PRSS37: variants seen among roughly 807,000 people sequenced by gnomAD.
The protein encoded by PRSS37 is serine protease 37.
Under a neutral mutation model 28.0 loss-of-function variants are expected in PRSS37, and 25 were observed. That is an observed-to-expected ratio of 0.89 (90% CI 0.65 to 1.25). The LOEUF (loss-of-function observed/expected upper bound fraction) is 1.25, where lower values mean the gene tolerates loss of function less well. PRSS37 is among the 50% of genes most tolerant of loss of function. The probability of loss-of-function intolerance (pLI) is 0.00; values close to 1 mark genes in which losing one functional copy is unlikely to be tolerated. For missense variants in PRSS37, 282 were observed against 292.2 expected (o/e 0.97, Z 0.25); for synonymous variants, 109 against 107.8 (o/e 1.01, Z -0.07).
Position 141,841,160 on chromosome 7 carries a change from G to C in PRSS37, c.-111C>G. The C allele has an allele frequency of 6.4e-7, 1 of 1,572,842 alleles. No individual in the cohort carries two copies. On this transcript the variant is annotated 5_prime_UTR_variant, in exon 1 of 5. The change creates a new upstream start codon in the 5' untranslated region. Coordinates refer to ENST00000350549, the MANE Select transcript of PRSS37 (RefSeq NM_001008270.3). ...CTGGTAGACTCAGTGGCTATGGTTAGATACGGAGGCACTCCATGGGATTGG... is the reference window on the plus strand; with the variant it reads ...CTGGTAGACTCAGTGGCTATGGTTACATACGGAGGCACTCCATGGGATTGG...
At position 141,837,228 on chromosome 7, in the gene PRSS37, G is replaced by C; in HGVS notation, c.451C>G (p.Gln151Glu). 6.2e-7 allele frequency: 1 copy of C among 1,607,384 alleles called. No homozygotes were observed. Among genetic ancestry groups the C allele is most frequent in the Non-Finnish European group, 8.5e-7 (1 of 1,177,574 alleles). Residue 151 changes from glutamine (Q) to glutamate (E), a missense_variant, in exon 4 of 5, where the codon CAG becomes GAG. Coordinates refer to ENST00000350549, the MANE Select transcript of PRSS37 (RefSeq NM_001008270.3). ...GACATCACGGGGGCCTCCAGGTTCT[G>C]CCGCAAGTCAGGGTGTCGGCCTGAG... Reference protein sequence around the residue: ...ENSGRHPDLRQNLEAPVMSDR... With the variant: ...ENSGRHPDLRENLEAPVMSDR...
rs1369544826 is a variant in PRSS37 at position 141,838,015 on chromosome 7, C to T, written c.275G>A (p.Ser92Asn). 6.2e-7 allele frequency: 1 copy of T among 1,614,034 alleles called. No individual in the cohort carries two copies. Among genetic ancestry groups the T allele is most frequent in the Non-Finnish European group, 8.5e-7 (1 of 1,180,038 alleles). Residue 92 changes from serine (S) to asparagine (N), a missense_variant, in exon 3 of 5, where the codon AGT becomes AAT. Physicochemically the swap from Ser to Asn is conservative, Grantham distance 46. Coordinates refer to ENST00000350549, the MANE Select transcript of PRSS37 (RefSeq NM_001008270.3). ...PIQIVRYWNY[S>N]HSAPQDDLML... ...GAGGTCATCCTGTGGGGCGCTATGA[C>T]TGTAGTTCCAGTAGCGGACGATCTG...
intron 3 of PRSS37, chr7:141,837,493 G>T (rs978599560): frequency 3.6e-5 from 46 of 1,284,690 alleles, no homozygotes; most frequent in Middle Eastern, 3.7e-4. Context: ...AGAACTAAAT[G>T]ACCTGAGGCA....
Position 141,837,181 on chromosome 7 carries a change from T to C in PRSS37, c.498A>G (p.Thr166=). Reference sequence around the variant, plus strand: ...AATTCCTGTGGCTTTTTCCTTGTTCTGTTTTTTGGCATTCTCGATCAGACA... The same window carrying C: ...AATTCCTGTGGCTTTTTCCTTGTTCCGTTTTTTGGCATTCTCGATCAGACA... ...PVMSDRECQK[T]EQGKSHRNSL... is the part of the protein sequence containing the mutation. Residue 166 remains threonine, a synonymous_variant, in exon 4 of 5, where the codon ACA becomes ACG. Transcript: ENST00000350549. 1 of 1,613,472 alleles carries C rather than the reference T, an allele frequency of 6.2e-7. No individual in the cohort carries two copies. The highest frequency in any genetic ancestry group is 8.5e-7 in the Non-Finnish European group (1 of 1,179,842).
intron 1 of PRSS37, among the ~76,000 whole-genome samples, chr7:141,840,523 C>G (rs938961528): frequency 7.2e-5 from 11 of 152,174 alleles, no homozygotes; most frequent in Non-Finnish European, 1.6e-4. Flanking sequence ...CACAATAGCT[C>G]TATAATATGG....
At position 141,841,287 on chromosome 7, in the gene PRSS37, A is replaced by T; in HGVS notation, c.-238T>A. The T allele has an allele frequency of 1.3e-6, 1 of 794,718 alleles. No individual in the cohort carries two copies. The highest frequency in any genetic ancestry group is 1.9e-5 in the South Asian group (1 of 51,876). 49.2% of individuals were successfully genotyped at this position (794,718 alleles called of 1,614,324 possible). ...TGGAGGACTGTGCCTCTGTTGGGGC[A>T]TTTCAGGGAAGGAAACTCCTGGATT... On this transcript the variant is annotated 5_prime_UTR_variant, in exon 1 of 5. An upstream start codon of the reference 5' UTR is lost. Coordinates refer to ENST00000350549, the MANE Select transcript of PRSS37 (RefSeq NM_001008270.3).
rs1356327893 is a variant in PRSS37, at chr7:141,839,334, C to T, written c.176+4G>A. On this transcript the variant is annotated splice_donor_region_variant and intron_variant, in intron 2 of 4. Coordinates refer to ENST00000350549, the MANE Select transcript of PRSS37 (RefSeq NM_001008270.3). ...TTGGGGATGGGGATGCCCAAATACTCAACGGTAAATAGCAGTGAGCTGGGG... is the reference window on the plus strand; with the variant it reads ...TTGGGGATGGGGATGCCCAAATACTTAACGGTAAATAGCAGTGAGCTGGGG... The T allele has an allele frequency of 6.2e-7, 1 of 1,613,384 alleles. No individual in the cohort carries two copies. Among genetic ancestry groups the T allele is most frequent in the Middle Eastern group, 1.7e-4 (1 of 6,056 alleles).
At position 141,841,062 on chromosome 7, in the gene PRSS37, C is replaced by T; in HGVS notation, c.-13G>A. On this transcript the variant is annotated 5_prime_UTR_variant, in exon 1 of 5. Transcript: ENST00000350549. ...AGACATATTTCATGGTGATCCAGCT[C>T]TTCCCCCTGTGAGATGTAGAAGAAA... 1 of 1,613,650 alleles carries T rather than the reference C, an allele frequency of 6.2e-7. No homozygotes were observed. The highest frequency in any genetic ancestry group is 8.5e-7 in the Non-Finnish European group (1 of 1,179,604).
intron 1 of PRSS37, among the ~76,000 whole-genome samples, chr7:141,840,301 T>C (rs1300740586): frequency 1.3e-5 from 2 of 152,190 alleles, no homozygotes; most frequent in Non-Finnish European, 2.9e-5. Flanking sequence ...GATTCTAGTA[T>C]CAGAAATAAA....
In PRSS37 at chr7:141,836,369, T is replaced by C. The variant is rs780675062; in HGVS notation, c.*26A>G. On this transcript the variant is annotated 3_prime_UTR_variant, in exon 5 of 5. Transcript: ENST00000350549. Reference sequence around the variant, plus strand: ...CTTGTATAGTCCATGGCAGAGCCAGTGGAATGCAGAGGGAGAAGTAGGGTC... The same window carrying C: ...CTTGTATAGTCCATGGCAGAGCCAGCGGAATGCAGAGGGAGAAGTAGGGTC... The C allele has an allele frequency of 7.4e-6, 12 of 1,611,982 alleles. No individual in the cohort carries two copies. Among genetic ancestry groups the C allele is most frequent in the Non-Finnish European group, 9.3e-6 (11 of 1,178,422 alleles).
At chr7:141,837,270 T>C in intron 3 of PRSS37, 22 bp from the exon 4 acceptor site, 1 of 1,578,394 alleles carries the variant, frequency 6.3e-7, no homozygotes, top group Non-Finnish European at 8.6e-7. Flanking sequence ...GGGGATAAAA[T>C]AAAACATCCT....
chr7:141,840,570 G>T (rs916120207), intron 1 of PRSS37, among the ~76,000 whole-genome samples: 1 of 152,208 alleles, frequency 6.6e-6, no homozygotes, highest in Non-Finnish European at 1.5e-5. Context: ...TTGAAGCACA[G>T]AAGAGTTAAT....
rs1801142458 is a variant in PRSS37, at chr7:141,841,271, G to A, written c.-222C>T. ...TCTGTTCCAGGGAAGGTGGAGGACTGTGCCTCTGTTGGGGCATTTCAGGGA... is the reference window on the plus strand; with the variant it reads ...TCTGTTCCAGGGAAGGTGGAGGACTATGCCTCTGTTGGGGCATTTCAGGGA... On this transcript the variant is annotated 5_prime_UTR_variant, in exon 1 of 5. Transcript: ENST00000350549. 2 of 1,019,938 alleles carry A rather than the reference G, an allele frequency of 2.0e-6. No individual in the cohort carries two copies. The highest frequency in any genetic ancestry group is 3.3e-5 in the African/African-American group (2 of 60,354). The allele number at this position is 1,019,938 out of a possible 1,614,324, so 63.2% of individuals were successfully genotyped here.
chr7:141,837,386 C>G (rs1800998118), intron 3 of PRSS37, 138 bp from the exon 4 acceptor site: 1 of 1,170,116 alleles, frequency 8.5e-7, no homozygotes, highest in Admixed American at 2.8e-5. Flanking sequence ...GGAGAGAAAT[C>G]ATCAAGAGTG....
intron 1 of PRSS37, among the ~76,000 whole-genome samples, chr7:141,840,048 CAAGAA>C (rs1386159598): frequency 6.6e-6 from 1 of 151,774 alleles, no homozygotes; most frequent in African/African-American, 2.4e-5. Context: ...TTAAAAAGAA[CAAGAA>C]AATTGTGGAT....
At chr7:141,837,637 C>G in intron 3 of PRSS37, 2 of 1,520,414 alleles carry the variant, frequency 1.3e-6, no homozygotes, top group African/African-American at 2.7e-5. Flanking sequence ...CTGGTGGCTC[C>G]AGCTGCCAAA....
chr7:141,841,216 A>G lies in PRSS37; in HGVS notation c.-167T>C. On this transcript the variant is annotated 5_prime_UTR_variant, in exon 1 of 5. Coordinates refer to ENST00000350549, the MANE Select transcript of PRSS37 (RefSeq NM_001008270.3). ...AGCTCTGGGCATAAACAGGGGAGGG[A>G]GATGGCTTCAGAGAGACAGATGAAA... 1 of 1,425,390 alleles carries G rather than the reference A, an allele frequency of 7.0e-7. No individual in the cohort carries two copies. Among genetic ancestry groups the G allele is most frequent in the South Asian group, 1.4e-5 (1 of 71,672 alleles). 88.3% of individuals were successfully genotyped at this position (1,425,390 alleles called of 1,614,324 possible).
At chr7:141,837,669 A>G in intron 3 of PRSS37, 191 bp downstream of exon 3, 6 of 1,529,406 alleles carry the variant, frequency 3.9e-6, no homozygotes, top group Non-Finnish European at 5.3e-6. Flanking sequence ...GCAGTGGGAT[A>G]TTAGACACCC....
At chr7:141,836,572 A>T in intron 4 of PRSS37, 37 bp from the exon 5 acceptor site, 1 of 1,598,170 alleles carries the variant, frequency 6.3e-7, no homozygotes, top group East Asian at 2.2e-5. Context: ...AGAGAGAGAG[A>T]GTAAGAGTGT....
Sources: allele counts gnomAD v4.1 joint callset (sites outside exome capture counted in the v4.1 genomes callset), GRCh38; gene constraint gnomAD v4.1.1; transcripts MANE v1.5; gene names NCBI Gene and HGNC (gene_info 2026-07-23, HGNC 2026-07-21).